The following BNC2 variants were observed in gnomAD, a reference collection of about 807,000 sequenced individuals.
BNC2 encodes the protein basonuclin zinc finger protein 2, also known as zinc finger protein basonuclin-2.
BNC2 carries 20 observed loss-of-function variants against 76.3 expected under a neutral mutation model. The observed-to-expected ratio is 0.26, with a 90% CI of 0.18 to 0.38. The LOEUF (loss-of-function observed/expected upper bound fraction) is 0.38, where lower values mean the gene tolerates loss of function less well. Among genes scored for constraint, BNC2 ranks in the 10% least tolerant of loss-of-function variants. The pLI is 1.00. For missense variants in BNC2, 1,382 were observed against 1,399.8 expected (o/e 0.99, Z 0.20); for synonymous variants, 582 against 514.8 (o/e 1.13, Z -1.77).
chr9:16,435,464 T>C (rs1346505577), intron 6 of BNC2, 91 bp downstream of exon 6: 1 of 1,462,214 alleles, frequency 6.8e-7, no homozygotes, highest in East Asian at 2.3e-5. Flanking sequence ...CAAAAACATC[T>C]AAGTTGGATT....
intron 1 of BNC2, among the ~76,000 whole-genome samples, chr9:16,745,310 T>A (rs566458258): frequency 6.6e-6 from 1 of 152,292 alleles, no homozygotes; most frequent in Admixed American, 6.5e-5. Flanking sequence ...TAAGTGAGTG[T>A]GTATGAGTGT....
chr9:16,627,060 C>T (rs1332535413), intron 3 of BNC2, among the ~76,000 whole-genome samples: 1 of 152,118 alleles, frequency 6.6e-6, no homozygotes, highest in Non-Finnish European at 1.5e-5. Context: ...AGACTACAGC[C>T]CCTGAGCGCA....
intron 1 of BNC2, among the ~76,000 whole-genome samples, chr9:16,809,167 G>C (rs1405174559): frequency 6.6e-6 from 1 of 152,126 alleles, no homozygotes; most frequent in Non-Finnish European, 1.5e-5. Flanking sequence ...GTCAGAACAA[G>C]GGCCTTGTCT....
At position 16,796,270 on chromosome 9, in the gene BNC2, A is replaced by G. The variant is rs1445798765; in HGVS notation, c.4-57785T>C. Among the ~76,000 whole-genome samples, 5 of 152,248 alleles carry G rather than the reference A, an allele frequency of 3.3e-5. No individual in the cohort carries two copies. The East Asian group carries it at 5.8e-4, about 18-fold the overall frequency. The stretch of plus-strand genomic sequence containing the variant: ...TCTTTTCAATTAATATAGCATAAGT[A>G]TAATCCCATATAATTAAAAATTTCA... On this transcript the variant is annotated intron_variant, in intron 1 of 6. Transcript: ENST00000380672.
intron 5 of BNC2, among the ~76,000 whole-genome samples, chr9:16,514,600 A>G (rs1176436726): frequency 1.3e-5 from 2 of 152,100 alleles, no homozygotes; most frequent in African/African-American, 4.8e-5. Flanking sequence ...TTCCTCTCTT[A>G]TTTATCTTTC....
chr9:16,495,093 A>G (rs1822359723), intron 5 of BNC2, among the ~76,000 whole-genome samples: 1 of 152,188 alleles, frequency 6.6e-6, no homozygotes, highest in Non-Finnish European at 1.5e-5. Context: ...GGCGGAGAGA[A>G]GATCAGTTAA....
At chr9:16,698,447 T>G (rs898272227) in intron 3 of BNC2, among the ~76,000 whole-genome samples, 2 of 152,102 alleles carry the variant, frequency 1.3e-5, no homozygotes, top group African/African-American at 4.8e-5. Context: ...TCCCAGCACT[T>G]TGGGAAGCTG....
intron 3 of BNC2, among the ~76,000 whole-genome samples, chr9:16,613,690 G>A (rs1047271473): frequency 3.9e-5 from 6 of 152,154 alleles, no homozygotes; most frequent in African/African-American, 1.4e-4. Flanking sequence ...TAATTTGGGC[G>A]CCCCTGCATC....
intron 1 of BNC2, among the ~76,000 whole-genome samples, chr9:16,785,075 T>G (rs1032444847): frequency 2.0e-5 from 3 of 152,222 alleles, no homozygotes; most frequent in Non-Finnish European, 4.4e-5. Flanking sequence ...CAGCTTCCAG[T>G]GTACCTTTTG....
intron 1 of BNC2, among the ~76,000 whole-genome samples, chr9:16,829,585 G>C (rs1005426261): frequency 1.3e-5 from 2 of 152,150 alleles, no homozygotes; most frequent in African/African-American, 4.8e-5. Context: ...TCTCACCTTA[G>C]TTCCTATTCT....
At chr9:16,529,436 G>A (rs924759869) in intron 5 of BNC2, among the ~76,000 whole-genome samples, 1 of 152,060 alleles carries the variant, frequency 6.6e-6, no homozygotes, top group Non-Finnish European at 1.5e-5. Context: ...GCTATGGACA[G>A]TTTTCATTTT....
chr9:16,499,381 T>C (rs1214566928), intron 5 of BNC2, among the ~76,000 whole-genome samples: 1 of 152,048 alleles, frequency 6.6e-6, no homozygotes, highest in Non-Finnish European at 1.5e-5. Flanking sequence ...TAATTAAATA[T>C]TAATTATATT....
At chr9:16,483,943 G>A (rs771992348) in intron 5 of BNC2, among the ~76,000 whole-genome samples, 4 of 152,122 alleles carry the variant, frequency 2.6e-5, no homozygotes, top group Non-Finnish European at 5.9e-5. Flanking sequence ...TACGCCATGG[G>A]TACTTAATAA....
chr9:16,720,313 G>A (rs1248716223), intron 3 of BNC2, among the ~76,000 whole-genome samples: 2 of 152,216 alleles, frequency 1.3e-5, no homozygotes. Flanking sequence ...TGAAAGTAAG[G>A]AGGAATTCAG....
At chr9:16,816,995 AG>A (rs772499427) in intron 1 of BNC2, among the ~76,000 whole-genome samples, 4 of 152,240 alleles carry the variant, frequency 2.6e-5, no homozygotes, top group Non-Finnish European at 4.4e-5. Context: ...CAACTGACAA[AG>A]AAAAAGAAAG....
chr9:16,539,891 A>G (rs1818266472), intron 5 of BNC2, among the ~76,000 whole-genome samples: 1 of 151,898 alleles, frequency 6.6e-6, no homozygotes, highest in African/African-American at 2.4e-5. Flanking sequence ...AAAATCTGTG[A>G]CCTAATTGGA....
rs5896709 is a variant in BNC2, at chr9:16,844,144, GT to G, written c.3+26501del. ...ATAAGAGTTTAGCAATTTCTCATAA[GT>G]TTTTTTTTTTACGTTACAAAAAAAA... On this transcript the variant is annotated intron_variant, in intron 1 of 6. Transcript: ENST00000380672. 7.0e-4 allele frequency among the ~76,000 whole-genome samples: 103 copies of G among 146,670 alleles called. 1 individual carries two copies. Among genetic ancestry groups the G allele is most frequent in the African/African-American group, 1.8e-3 (70 of 39,948 alleles).
intron 3 of BNC2, among the ~76,000 whole-genome samples, chr9:16,663,636 T>A (rs1822179818): frequency 6.6e-6 from 1 of 152,114 alleles, no homozygotes; most frequent in Admixed American, 6.5e-5. Flanking sequence ...TTCCGGTGAC[T>A]TTACACAGGT....
intron 5 of BNC2, among the ~76,000 whole-genome samples, chr9:16,525,544 T>TACC (rs1817773490): frequency 6.6e-6 from 1 of 152,208 alleles, no homozygotes; most frequent in African/African-American, 2.4e-5. Context: ...AGCAATGTAC[T>TACC]ACCATTTATC....
Sources: allele counts gnomAD v4.1 joint callset (sites outside exome capture counted in the v4.1 genomes callset), GRCh38; gene constraint gnomAD v4.1.1; transcripts MANE v1.5; gene names NCBI Gene and HGNC (gene_info 2026-07-23, HGNC 2026-07-21).